EPB41L4A: variants seen among roughly 807,000 people sequenced by gnomAD.
The protein encoded by EPB41L4A is erythrocyte membrane protein band 4.1 like 4A.
In EPB41L4A, 100 loss-of-function variants were observed where a neutral mutation model predicts 108.6. That is an observed-to-expected ratio of 0.92 (90% CI 0.78 to 1.09). The LOEUF is 1.09. EPB41L4A is among the 50% of genes least tolerant of loss of function. EPB41L4A has a pLI of 0.00. For synonymous variants in EPB41L4A, 319 were observed against 289.0 expected (o/e 1.10, Z -1.05); for missense variants, 1,030 against 842.7 (o/e 1.22, Z -2.75).
intron 1 of EPB41L4A, among the ~76,000 whole-genome samples, chr5:112,348,778 G>C (rs1489380468): frequency 6.6e-6 from 1 of 152,168 alleles, no homozygotes; most frequent in African/African-American, 2.4e-5. Context: ...TGTGTTTCAA[G>C]GAATTCCCAA....
At chr5:112,376,330 C>T (rs9885209) in intron 1 of EPB41L4A, among the ~76,000 whole-genome samples, 8,388 of 152,186 alleles carry the variant, frequency 0.055, 496 homozygotes, top group African/African-American at 0.15. Context: ...AATGAAATAT[C>T]ACTATATATC....
In EPB41L4A at chr5:112,147,394, C is replaced by T. The variant is rs150789328; in HGVS notation, n.995-1396G>A. ...GTGACTCACGCCTGTAATCCCAGCA[C>T]TTTGGGAGGCCGAGGCAGGCGGATC... is the stretch of plus-strand genomic sequence containing the variant. On this transcript the variant is annotated intron_variant and non_coding_transcript_variant, in intron 12 of 13. Transcript: ENST00000507810. 1.5e-4 allele frequency among the ~76,000 whole-genome samples: 23 copies of T among 151,760 alleles called. No individual in the cohort carries two copies. The East Asian group carries it at 4.3e-3, about 28-fold the overall frequency.
In EPB41L4A at chr5:112,350,856, T is replaced by G. The variant is rs141529061; in HGVS notation, c.100-43366A>C. Among the ~76,000 whole-genome samples, 97 of 151,908 alleles carry G rather than the reference T, an allele frequency of 6.4e-4. 1 individual carries two copies. In the East Asian group the frequency reaches 0.014, roughly 21 times the overall value. ...TATTGTTTATACATACCACATTTTCTCTATCCATTCATCCATTAGTGGACA... is the reference window on the plus strand; with the variant it reads ...TATTGTTTATACATACCACATTTTCGCTATCCATTCATCCATTAGTGGACA... On this transcript the variant is annotated intron_variant, in intron 1 of 22. Transcript: ENST00000261486.
At chr5:112,407,031 T>G (rs1762114731) in intron 1 of EPB41L4A, among the ~76,000 whole-genome samples, 1 of 152,094 alleles carries the variant, frequency 6.6e-6, no homozygotes, top group Non-Finnish European at 1.5e-5. Context: ...GATATGGGAC[T>G]GCATGCAGCT....
At chr5:112,232,890 A>G (rs1405434296) in intron 12 of EPB41L4A, among the ~76,000 whole-genome samples, 1 of 152,224 alleles carries the variant, frequency 6.6e-6, no homozygotes, top group Non-Finnish European at 1.5e-5. Context: ...CTGTGAAAGG[A>G]CACTGGAGAG....
chr5:112,151,817 G>A (rs890300076), intron 12 of EPB41L4A, among the ~76,000 whole-genome samples: 4 of 151,326 alleles, frequency 2.6e-5, no homozygotes, highest in African/African-American at 4.9e-5. Flanking sequence ...TGCAACCTCC[G>A]CCTCCCGGAT....
chr5:112,376,682 A>G (rs1759842100), intron 1 of EPB41L4A, among the ~76,000 whole-genome samples: 1 of 152,240 alleles, frequency 6.6e-6, no homozygotes, highest in African/African-American at 2.4e-5. Context: ...ATACCATGGA[A>G]CATTACTCAT....
At chr5:112,410,652 G>A (rs1159518513) in intron 1 of EPB41L4A, among the ~76,000 whole-genome samples, 6 of 151,962 alleles carry the variant, frequency 3.9e-5, no homozygotes, top group Non-Finnish European at 8.8e-5. Context: ...GTAGCCACTG[G>A]CCTCAGGGAA....
intron 18 of EPB41L4A, among the ~76,000 whole-genome samples, 190 bp from the exon 19 acceptor site, chr5:112,171,182 C>T (rs907526231): frequency 7.2e-5 from 11 of 152,128 alleles, no homozygotes; most frequent in African/African-American, 2.4e-4. Context: ...CTGCTACTGC[C>T]GCTGAAGGAA....
chr5:112,145,063 G>C (rs1169635930), intron 13 of EPB41L4A, among the ~76,000 whole-genome samples: 1 of 152,240 alleles, frequency 6.6e-6, no homozygotes, highest in Non-Finnish European at 1.5e-5. Flanking sequence ...GCCGAGGTGG[G>C]CGTATCACTT....
intron 13 of EPB41L4A, 63 bp downstream of exon 13, chr5:112,209,829 A>T: frequency 1.0e-6 from 1 of 988,310 alleles, no homozygotes; most frequent in Non-Finnish European, 1.6e-6. Flanking sequence ...AACCTTGTCT[A>T]CAGAAAAAAA....
chr5:112,336,810 C>T (rs541463159), intron 1 of EPB41L4A, among the ~76,000 whole-genome samples: 72 of 152,244 alleles, frequency 4.7e-4, no homozygotes, highest in Admixed American at 5.2e-4. Context: ...TGACAAATGT[C>T]CTAGAGGTAT....
At chr5:112,395,264 G>C (rs1293461286) in intron 1 of EPB41L4A, among the ~76,000 whole-genome samples, 1 of 152,168 alleles carries the variant, frequency 6.6e-6, no homozygotes, top group Non-Finnish European at 1.5e-5. Context: ...TGAAACTAAA[G>C]AGCTTCTGCA....
At chr5:112,176,408 A>C (rs1002616589) in intron 18 of EPB41L4A, among the ~76,000 whole-genome samples, 1 of 152,152 alleles carries the variant, frequency 6.6e-6, no homozygotes, top group Non-Finnish European at 1.5e-5. Flanking sequence ...TGACATTTCC[A>C]TTAACTGCCT....
At chr5:112,210,703 G>A (rs1340274516) in intron 12 of EPB41L4A, among the ~76,000 whole-genome samples, 1 of 152,058 alleles carries the variant, frequency 6.6e-6, no homozygotes, top group African/African-American at 2.4e-5. Context: ...CACTCTCAGG[G>A]CAGAGGTAGA....
chr5:112,418,380 G>A (rs1762841113), intron 1 of EPB41L4A, among the ~76,000 whole-genome samples: 2 of 152,312 alleles, frequency 1.3e-5, no homozygotes, highest in Middle Eastern at 3.4e-3. Context: ...CGCTTTGAGA[G>A]ATGTTTACTT....
At position 112,347,803 on chromosome 5, in the gene EPB41L4A, C is replaced by T. The variant is rs1160727261; in HGVS notation, c.100-40313G>A. Among the ~76,000 whole-genome samples, 9 of 152,192 alleles carry T rather than the reference C, an allele frequency of 5.9e-5. No individual in the cohort carries two copies. The East Asian group carries it at 1.7e-3, about 29-fold the overall frequency. On this transcript the variant is annotated intron_variant, in intron 1 of 22. Transcript: ENST00000261486. ...GGGGCATCCCCTGTGTCTTCCAGCA[C>T]TCTAAAGACAAAGCTTCAGCATTAC...
intron 17 of EPB41L4A, among the ~76,000 whole-genome samples, chr5:112,194,141 T>C (rs1761843839): frequency 6.6e-6 from 1 of 152,156 alleles, no homozygotes; most frequent in Non-Finnish European, 1.5e-5. Flanking sequence ...TATTAGCATA[T>C]ATATATATAC....
chr5:112,233,090 A>G (rs968894941), intron 12 of EPB41L4A, among the ~76,000 whole-genome samples: 2 of 152,250 alleles, frequency 1.3e-5, no homozygotes, highest in African/African-American at 4.8e-5. Flanking sequence ...AGTAGAATGA[A>G]TAAATTGTCA....
Sources: gnomAD v4.1 joint callset for allele counts (sites outside exome capture counted in the v4.1 genomes callset) on GRCh38, gnomAD v4.1.1 for gene constraint, MANE v1.5 for transcripts, NCBI Gene and HGNC (gene_info 2026-07-23, HGNC 2026-07-21) for gene names.